Variants in STK3 observed in about 807,000 individuals in gnomAD.
STK3 encodes the protein serine/threonine-protein kinase 3.
STK3 carries 41 observed loss-of-function variants against 58.0 expected under a neutral mutation model. The ratio of observed to expected loss-of-function variants is 0.71; its 90% CI spans 0.55 to 0.92. The LOEUF (loss-of-function observed/expected upper bound fraction) is 0.92, where lower values mean the gene tolerates loss of function less well. Ranked by LOEUF, STK3 falls within the 40% of genes least tolerant of loss-of-function variation. The probability of loss-of-function intolerance (pLI) is 0.00; values close to 1 mark genes in which losing one functional copy is unlikely to be tolerated. For synonymous variants in STK3, 170 were observed against 191.0 expected, an observed-to-expected ratio of 0.89 and a Z score of 0.91; for missense variants, 479 against 602.7, an observed-to-expected ratio of 0.79 and a Z score of 2.15.
intron 1 of STK3, among the ~76,000 whole-genome samples, chr8:98,926,201 G>C (rs1839785642): frequency 6.6e-6 from 1 of 152,304 alleles, no homozygotes; most frequent in Non-Finnish European, 1.5e-5. Flanking sequence ...GATAAGGGTT[G>C]GGGGGAGAGC....
intron 8 of STK3, among the ~76,000 whole-genome samples, chr8:98,554,532 G>C (rs72666642): frequency 6.6e-6 from 1 of 152,050 alleles, no homozygotes. Flanking sequence ...TAAAAACATT[G>C]AATTAAGTTT....
chr8:98,532,086 G>C (rs1826206182), intron 9 of STK3, among the ~76,000 whole-genome samples: 1 of 152,194 alleles, frequency 6.6e-6, no homozygotes, highest in Non-Finnish European at 1.5e-5. Flanking sequence ...TTTCCTTTAA[G>C]AAGTTTTTCT....
chr8:98,713,182 G>A (rs1225119723), intron 4 of STK3, among the ~76,000 whole-genome samples: 1 of 152,028 alleles, frequency 6.6e-6, no homozygotes, highest in East Asian at 1.9e-4. Context: ...AGAGAAAGCA[G>A]GAAAGATCTA....
chr8:98,586,944 T>C (rs1814670932), intron 7 of STK3, among the ~76,000 whole-genome samples: 2 of 152,044 alleles, frequency 1.3e-5, no homozygotes, highest in African/African-American at 4.8e-5. Flanking sequence ...GGTGTTGATA[T>C]CCCCTTTATC....
At chr8:98,762,157 C>G (rs1402292155) in intron 3 of STK3, among the ~76,000 whole-genome samples, 1 of 152,202 alleles carries the variant, frequency 6.6e-6, no homozygotes, top group Non-Finnish European at 1.5e-5. Flanking sequence ...CAGCTGTTAC[C>G]ACACTGTGTA....
chr8:98,488,261 T>C (rs1424622472), intron 10 of STK3, among the ~76,000 whole-genome samples: 1 of 152,194 alleles, frequency 6.6e-6, no homozygotes, highest in Non-Finnish European at 1.5e-5. Context: ...CTGGCAAAAG[T>C]GCAGTCATTT....
At chr8:98,793,084 C>T (rs988633090) in intron 1 of STK3, among the ~76,000 whole-genome samples, 1 of 152,018 alleles carries the variant, frequency 6.6e-6, no homozygotes. Flanking sequence ...GAATAGAAAA[C>T]CAAACATCAT....
chr8:98,696,617 T>C (rs547915404), intron 6 of STK3, among the ~76,000 whole-genome samples: 41 of 152,338 alleles, frequency 2.7e-4, no homozygotes, highest in Non-Finnish European at 4.4e-4. Context: ...GAGATAATCA[T>C]GTGGTTTTTG....
chr8:98,739,376 G>C (rs1001254323), intron 4 of STK3, among the ~76,000 whole-genome samples: 4 of 151,896 alleles, frequency 2.6e-5, no homozygotes, highest in African/African-American at 7.2e-5. Context: ...TCACACGGCC[G>C]GGTACTCCTC....
intron 1 of STK3, among the ~76,000 whole-genome samples, chr8:98,443,352 G>A (rs890539670): frequency 2.0e-5 from 3 of 152,178 alleles, no homozygotes; most frequent in African/African-American, 7.2e-5. Flanking sequence ...GCGATAACAG[G>A]TATGATTTTG....
At chr8:98,597,878 G>C (rs1248850598) in intron 6 of STK3, 3 of 983,816 alleles carry the variant, frequency 3.0e-6, no homozygotes, top group Non-Finnish European at 3.6e-6. Context: ...GCCAGACAAT[G>C]AAATTCTGCC....
chr8:98,375,293 C>A (rs541232771), intron 2 of STK3, among the ~76,000 whole-genome samples: 5 of 147,146 alleles, frequency 3.4e-5, no homozygotes, highest in Middle Eastern at 3.6e-3. Context: ...AAAAAAAAAA[C>A]CTATTATACT....
chr8:98,905,695 G>T (rs1838870146), intron 1 of STK3: 3 of 676,950 alleles, frequency 4.4e-6, no homozygotes, highest in Non-Finnish European at 8.3e-6. Context: ...CTGGGTGGCA[G>T]CGGCGGAGGT....
At chr8:98,364,662 C>T in the STK3 span, among the ~76,000 whole-genome samples, 21 of 152,202 alleles carry the variant, frequency 1.4e-4, no homozygotes, top group Non-Finnish European at 2.5e-4. Context: ...TCTCCATCTT[C>T]CCCCACCCCT....
chr8:98,486,380 C>T (rs993990025), intron 10 of STK3, among the ~76,000 whole-genome samples: 2 of 152,112 alleles, frequency 1.3e-5, no homozygotes, highest in African/African-American at 4.8e-5. Flanking sequence ...TGTAACTGGA[C>T]CTATATTAGG....
intron 1 of STK3, among the ~76,000 whole-genome samples, chr8:98,901,721 G>A (rs1047585067): frequency 1.3e-5 from 2 of 152,248 alleles, no homozygotes; most frequent in African/African-American, 4.8e-5. Flanking sequence ...TGTGGCCTGG[G>A]ATAGAGGCAG....
intron 3 of STK3, among the ~76,000 whole-genome samples, chr8:98,402,621 G>T (rs1817955174): frequency 6.6e-6 from 1 of 152,212 alleles, no homozygotes; most frequent in Non-Finnish European, 1.5e-5. Flanking sequence ...TCTCCCATGA[G>T]TTCAGCCTGA....
intron 6 of STK3, among the ~76,000 whole-genome samples, chr8:98,691,348 T>C (rs928610634): frequency 6.6e-6 from 1 of 152,196 alleles, no homozygotes; most frequent in South Asian, 2.1e-4. Flanking sequence ...AAAGTACATA[T>C]ATATGATTTA....
chr8:98,861,696 T>C (rs1229202327), intron 3 of STK3, among the ~76,000 whole-genome samples: 1 of 152,208 alleles, frequency 6.6e-6, no homozygotes, highest in Non-Finnish European at 1.5e-5. Flanking sequence ...TACGAGAGAA[T>C]GGCAGCACCT....
Sources: allele counts gnomAD v4.1 joint callset (sites outside exome capture counted in the v4.1 genomes callset), GRCh38; gene constraint gnomAD v4.1.1; transcripts MANE v1.5; gene names NCBI Gene and HGNC (gene_info 2026-07-23, HGNC 2026-07-21).